Variants in EXOC4 observed in about 807,000 individuals in gnomAD.
EXOC4 encodes exocyst complex component 4.
In EXOC4, 71 loss-of-function variants were observed where a neutral mutation model predicts 107.2. That is an observed-to-expected ratio of 0.66 (90% CI 0.55 to 0.81). The LOEUF is 0.81. EXOC4 is among the 30% of genes least tolerant of loss of function. The pLI, the probability that EXOC4 is intolerant of heterozygous loss-of-function variation, is 0.00. For missense variants in EXOC4, 1,108 were observed against 1,189.6 expected (o/e 0.93, Z 1.01); for synonymous variants, 456 against 441.2 (o/e 1.03, Z -0.42).
chr7:133,505,023 A>G (rs1050888408), intron 9 of EXOC4, among the ~76,000 whole-genome samples: 9 of 152,164 alleles, frequency 5.9e-5, no homozygotes, highest in Non-Finnish European at 1.3e-4. Flanking sequence ...GTTGTGAGTC[A>G]TCTATGAGAT....
intron 7 of EXOC4, among the ~76,000 whole-genome samples, chr7:133,443,957 C>A (rs1438241490): frequency 2.0e-5 from 3 of 152,184 alleles, no homozygotes; most frequent in African/African-American, 7.2e-5. Context: ...CCAGGGACAA[C>A]TGACAGACCG....
chr7:133,997,508 A>G lies in EXOC4; in HGVS notation c.2223A>G (p.Gln741=), dbSNP rs1314409229. The change falls in exon 15 of 18, where the codon CAA becomes CAG. Residue 741 remains glutamine (Q), a synonymous_variant. Coordinates refer to ENST00000253861, the MANE Select transcript of EXOC4 (RefSeq NM_021807.4). ...ACCTTTCAGTGCTTTCTCCTGCTCA[A>G]GACAGCCACACGAACACGGATCTCC... ...LSTSQMLSPA[Q]DSHTNTDLPP... The G allele has an allele frequency of 6.2e-7, 1 of 1,613,566 alleles. No homozygotes were observed. The highest frequency in any genetic ancestry group is 2.2e-5 in the East Asian group (1 of 44,880).
chr7:133,694,983 C>T (rs551444545), intron 10 of EXOC4, among the ~76,000 whole-genome samples: 5 of 152,164 alleles, frequency 3.3e-5, no homozygotes, highest in East Asian at 1.9e-4. Flanking sequence ...CCACCATGCC[C>T]GGCTAATTTT....
chr7:133,978,466 A>G (rs1167398595), intron 14 of EXOC4, among the ~76,000 whole-genome samples: 2 of 152,240 alleles, frequency 1.3e-5, no homozygotes, highest in South Asian at 2.1e-4. Context: ...TTAAAGTGCC[A>G]TAGTTCAAAA....
intron 1 of EXOC4, among the ~76,000 whole-genome samples, chr7:133,268,638 G>A (rs962684650): frequency 6.6e-6 from 1 of 152,174 alleles, no homozygotes; most frequent in African/African-American, 2.4e-5. Flanking sequence ...ACAGAGGCTA[G>A]TATGAAAATG....
intron 12 of EXOC4, among the ~76,000 whole-genome samples, chr7:133,904,707 G>A (rs1799529758): frequency 6.6e-6 from 1 of 152,172 alleles, no homozygotes; most frequent in Non-Finnish European, 1.5e-5. Context: ...CTTTGAAAGG[G>A]AATAAATAGA....
At chr7:133,491,374 T>G (rs550564498) in intron 9 of EXOC4, among the ~76,000 whole-genome samples, 68 of 152,350 alleles carry the variant, frequency 4.5e-4, no homozygotes, top group African/African-American at 1.6e-3. Flanking sequence ...CTAACTCATT[T>G]ACATATCCTG....
chr7:133,949,520 G>A (rs77128264), intron 14 of EXOC4, among the ~76,000 whole-genome samples: 1,727 of 152,294 alleles, frequency 0.011, 29 homozygotes, highest in African/African-American at 0.039. Flanking sequence ...CAAAAATCCT[G>A]TAAATGTCAG....
At chr7:133,849,109 G>A (rs538095216) in intron 11 of EXOC4, among the ~76,000 whole-genome samples, 156 of 152,180 alleles carry the variant, frequency 1.0e-3, no homozygotes, top group Non-Finnish European at 1.9e-3. Flanking sequence ...TTCATCATAC[G>A]GATATAACAG....
rs193238497 is a variant in EXOC4 at position 133,630,853 on chromosome 7, A to G, written c.1514+712A>G. Among the ~76,000 whole-genome samples, 429 of 152,312 alleles carry G rather than the reference A, an allele frequency of 2.8e-3. 2 individuals carry two copies. Among genetic ancestry groups the G allele is most frequent in the Middle Eastern group, 6.8e-3 (2 of 294 alleles). ...GATAACATGATTATAGGAAAGTAAG[A>G]ATCCATGGTGCCTCCATTAAAGAAA... On this transcript the variant is annotated intron_variant, in intron 10 of 17. Transcript: ENST00000253861.
At chr7:133,452,642 G>A (rs1402198137) in intron 7 of EXOC4, among the ~76,000 whole-genome samples, 1 of 150,850 alleles carries the variant, frequency 6.6e-6, no homozygotes, top group Non-Finnish European at 1.5e-5. Context: ...TTCTATAAAT[G>A]TTATTTTTAA....
At chr7:133,338,317 G>A (rs973665706) in intron 5 of EXOC4, among the ~76,000 whole-genome samples, 29 of 151,346 alleles carry the variant, frequency 1.9e-4, no homozygotes, top group African/African-American at 7.0e-4. Context: ...ATTTCAGCCG[G>A]GCGCGGTGGC....
rs1413849962 is a variant in EXOC4, at chr7:133,640,599, G to T, written c.1514+10458G>T. On this transcript the variant is annotated intron_variant, in intron 10 of 17. Transcript: ENST00000253861. ...AGATCTTGCGGTGGAGCAGTGTCCAGCAGAGCAGTGAGCCAGCATAGCTGG... is the reference window on the plus strand; with the variant it reads ...AGATCTTGCGGTGGAGCAGTGTCCATCAGAGCAGTGAGCCAGCATAGCTGG... Among the ~76,000 whole-genome samples, 3 of 152,110 alleles carry T rather than the reference G, an allele frequency of 2.0e-5. No individual in the cohort carries two copies. In the East Asian group the frequency reaches 5.8e-4, roughly 30 times the overall value.
At chr7:133,771,812 G>T (rs1796249130) in intron 10 of EXOC4, among the ~76,000 whole-genome samples, 1 of 151,852 alleles carries the variant, frequency 6.6e-6, no homozygotes, top group Non-Finnish European at 1.5e-5. Flanking sequence ...GTTAGGGGAG[G>T]GTATGCAGCA....
chr7:134,069,320 TCCC>T (rs1417706930), downstream of EXOC4, among the ~76,000 whole-genome samples: 51 of 130,270 alleles, frequency 3.9e-4, 1 homozygote, highest in African/African-American at 1.1e-3. Context: ...TTCTTCCTTC[TCCC>T]CCTCCTTCTC....
At chr7:133,859,262 A>T (rs765929461) in intron 11 of EXOC4, among the ~76,000 whole-genome samples, 1 of 152,070 alleles carries the variant, frequency 6.6e-6, no homozygotes, top group Non-Finnish European at 1.5e-5. Context: ...CTTTTGTTTC[A>T]TGTGTGGCTA....
At chr7:133,972,054 C>G (rs1220640869) in intron 14 of EXOC4, among the ~76,000 whole-genome samples, 1 of 64 alleles carries the variant, frequency 0.016, no homozygotes, top group Admixed American at 0.25. Context: ...AAACTCTAGC[C>G]CTGTACATGG....
intron 10 of EXOC4, among the ~76,000 whole-genome samples, chr7:133,643,256 A>T (rs191034276): frequency 3.3e-5 from 5 of 152,270 alleles, no homozygotes; most frequent in Non-Finnish European, 7.4e-5. Flanking sequence ...TTAGAGTCCA[A>T]CGTTTGAGGG....
At chr7:133,630,421 T>G (rs1317909336) in intron 10 of EXOC4, among the ~76,000 whole-genome samples, 1 of 151,858 alleles carries the variant, frequency 6.6e-6, no homozygotes, top group Admixed American at 6.6e-5. Flanking sequence ...TCCCTCCCTC[T>G]CTCTGTTTTA....
Sources: gnomAD v4.1 joint callset for allele counts (sites outside exome capture counted in the v4.1 genomes callset) on GRCh38, gnomAD v4.1.1 for gene constraint, MANE v1.5 for transcripts, NCBI Gene and HGNC (gene_info 2026-07-23, HGNC 2026-07-21) for gene names.